CSMD1: variants seen among roughly 807,000 people sequenced by gnomAD.
The protein encoded by CSMD1 is CUB and sushi domain-containing protein 1.
A neutral mutation model predicts 417.5 loss-of-function variants in CSMD1; 213 were observed. The observed-to-expected ratio is 0.51, with a 90% CI of 0.46 to 0.57. The LOEUF (loss-of-function observed/expected upper bound fraction) is 0.57, where lower values mean the gene tolerates loss of function less well. CSMD1 is among the 20% of genes least tolerant of loss of function. The probability of loss-of-function intolerance (pLI) is 0.00; values close to 1 mark genes in which losing one functional copy is unlikely to be tolerated. For missense variants in CSMD1, 6,923 were observed against 4,529.7 expected, an observed-to-expected ratio of 1.53 and a Z score of -15.17; for synonymous variants, 2,862 against 1,736.8, an observed-to-expected ratio of 1.65 and a Z score of -16.11.
intron 3 of CSMD1, among the ~76,000 whole-genome samples, chr8:4,358,364 T>C (rs970189932): frequency 2.0e-5 from 3 of 152,204 alleles, no homozygotes; most frequent in African/African-American, 7.2e-5. Flanking sequence ...TTTTACACTT[T>C]TTAATGGTTG....
At chr8:3,424,519 TA>T (rs527465335) in intron 12 of CSMD1, among the ~76,000 whole-genome samples, 1 of 152,220 alleles carries the variant, frequency 6.6e-6, no homozygotes, top group African/African-American at 2.4e-5. Flanking sequence ...GAAAAAAAGT[TA>T]AAAAATTACT....
At chr8:4,947,712 C>G (rs562727552) in intron 1 of CSMD1, among the ~76,000 whole-genome samples, 1 of 151,970 alleles carries the variant, frequency 6.6e-6, no homozygotes, top group African/African-American at 2.4e-5. Context: ...TATATTTTGT[C>G]TAAAGTTTGT....
intron 7 of CSMD1, among the ~76,000 whole-genome samples, chr8:3,669,420 A>T (rs963049679): frequency 2.0e-5 from 3 of 152,112 alleles, no homozygotes; most frequent in African/African-American, 7.2e-5. Flanking sequence ...TCGTGTTTAC[A>T]CTGTAGTGAG....
intron 42 of CSMD1, among the ~76,000 whole-genome samples, chr8:3,110,536 A>C (rs980792913): frequency 5.9e-5 from 9 of 152,218 alleles, no homozygotes; most frequent in Admixed American, 2.0e-4. Context: ...AAGCTAAATT[A>C]TCTCAGTTTT....
chr8:3,601,874 G>C (rs4625056), intron 8 of CSMD1, among the ~76,000 whole-genome samples: 34,491 of 152,070 alleles, frequency 0.23, 4,159 homozygotes, highest in Admixed American at 0.27. Context: ...AAGCAAAGGA[G>C]AGAGTTAGTG....
intron 1 of CSMD1, among the ~76,000 whole-genome samples, chr8:4,899,362 A>G (rs1804715142): frequency 6.6e-6 from 1 of 152,218 alleles, no homozygotes; most frequent in African/African-American, 2.4e-5. Flanking sequence ...GCCACTCAAA[A>G]TAAAGATGAA....
At chr8:3,564,064 G>T (rs1000908232) in intron 10 of CSMD1, among the ~76,000 whole-genome samples, 1 of 151,970 alleles carries the variant, frequency 6.6e-6, no homozygotes, top group Non-Finnish European at 1.5e-5. Flanking sequence ...GTGATATTTT[G>T]GTACATGTAT....
intron 7 of CSMD1, among the ~76,000 whole-genome samples, chr8:3,670,397 G>A (rs770196845): frequency 5.3e-5 from 8 of 151,036 alleles, no homozygotes; most frequent in Non-Finnish European, 5.9e-5. Context: ...CCTATTGTCG[G>A]ACCTTGTGAA....
intron 18 of CSMD1, among the ~76,000 whole-genome samples, chr8:3,377,641 C>T (rs1810393946): frequency 6.6e-6 from 1 of 152,102 alleles, no homozygotes; most frequent in Admixed American, 6.6e-5. Flanking sequence ...CTTTGCTAAA[C>T]CTCCAGGAAT....
chr8:4,610,862 G>A (rs1472351191), intron 2 of CSMD1, among the ~76,000 whole-genome samples: 2 of 152,092 alleles, frequency 1.3e-5, no homozygotes, highest in Non-Finnish European at 1.5e-5. Context: ...AACCTTATAC[G>A]ATTTCGTTTT....
At chr8:3,132,967 G>A (rs532611183) in intron 41 of CSMD1, among the ~76,000 whole-genome samples, 3 of 152,298 alleles carry the variant, frequency 2.0e-5, no homozygotes, top group East Asian at 3.9e-4. Context: ...GAAGGCTGAG[G>A]GTGCCGCTCC....
chr8:4,652,395 G>C (rs911581042), intron 1 of CSMD1, among the ~76,000 whole-genome samples: 1 of 151,628 alleles, frequency 6.6e-6, no homozygotes, highest in East Asian at 1.9e-4. Context: ...TTTTTTGTCT[G>C]TTTCATTCTG....
rs761202576 is a variant in CSMD1, at chr8:2,950,355, T to C, written c.10202-12A>G. On this transcript the variant is annotated splice_polypyrimidine_tract_variant and intron_variant, in intron 66 of 69. Transcript: ENST00000635120. ...CTTCTTGTAAATGCCTGTGAAAAGATCAGCAGTTTAGGCTTACCTTGGAGA... is the reference window on the plus strand; with the variant it reads ...CTTCTTGTAAATGCCTGTGAAAAGACCAGCAGTTTAGGCTTACCTTGGAGA... 2 of 1,553,502 alleles carry C rather than the reference T, an allele frequency of 1.3e-6. No individual in the cohort carries two copies. Among genetic ancestry groups the C allele is most frequent in the Non-Finnish European group, 1.8e-6 (2 of 1,125,022 alleles).
chr8:4,266,759 A>G (rs2128847045), intron 3 of CSMD1, among the ~76,000 whole-genome samples: 1 of 105,270 alleles, frequency 9.5e-6, no homozygotes, highest in African/African-American at 2.6e-5. Context: ...GATGATCTAT[A>G]AATCCTCAAA....
chr8:4,220,464 T>A (rs1800959256), intron 3 of CSMD1, among the ~76,000 whole-genome samples: 1 of 152,188 alleles, frequency 6.6e-6, no homozygotes, highest in African/African-American at 2.4e-5. Context: ...TGAGAAGACC[T>A]CATGCATTAA....
At chr8:4,163,823 C>A (rs1241157069) in intron 3 of CSMD1, among the ~76,000 whole-genome samples, 2 of 152,118 alleles carry the variant, frequency 1.3e-5, no homozygotes, top group Non-Finnish European at 2.9e-5. Flanking sequence ...TACACCTATA[C>A]CCCTTCATCA....
In CSMD1 at chr8:4,833,900, T is replaced by C. The variant is rs143886140; in HGVS notation, c.85+160432A>G. ...TAAATAACAAACCGTACATGTCACT[T>C]GGATTGGTGTTCACCACCCACCTCC... On this transcript the variant is annotated intron_variant, in intron 1 of 69. Coordinates refer to ENST00000635120, the MANE Select transcript of CSMD1 (RefSeq NM_033225.6). Among the ~76,000 whole-genome samples, 6 of 152,326 alleles carry C rather than the reference T, an allele frequency of 3.9e-5. No individual in the cohort carries two copies. In the East Asian group the frequency reaches 1.2e-3, roughly 29 times the overall value.
intron 7 of CSMD1, among the ~76,000 whole-genome samples, chr8:3,659,926 A>G (rs1350442332): frequency 6.6e-6 from 1 of 152,220 alleles, no homozygotes; most frequent in Non-Finnish European, 1.5e-5. Context: ...GCATATCTTC[A>G]TTGTGTAATC....
At chr8:4,808,403 T>G (rs879816699) in intron 1 of CSMD1, among the ~76,000 whole-genome samples, 1 of 152,182 alleles carries the variant, frequency 6.6e-6, no homozygotes, top group Non-Finnish European at 1.5e-5. Context: ...TTCTGTGAAT[T>G]CAAAGGAAAA....
Sources: allele counts gnomAD v4.1 joint callset (sites outside exome capture counted in the v4.1 genomes callset), GRCh38; gene constraint gnomAD v4.1.1; transcripts MANE v1.5; gene names NCBI Gene and HGNC (gene_info 2026-07-23, HGNC 2026-07-21).